RPTOR: variants seen among roughly 807,000 people sequenced by gnomAD.
RPTOR encodes regulatory associated protein of MTOR complex 1.
RPTOR carries 21 observed loss-of-function variants against 169.9 expected under a neutral mutation model. The observed-to-expected ratio is 0.12, with a 90% CI of 0.09 to 0.18. The LOEUF (loss-of-function observed/expected upper bound fraction) is 0.18. Among genes scored for constraint, RPTOR ranks in the 10% least tolerant of loss-of-function variants. The pLI, the probability that RPTOR is intolerant of heterozygous loss-of-function variation, is 1.00. For synonymous variants in RPTOR, 732 were observed against 753.2 expected, an observed-to-expected ratio of 0.97 and a Z score of 0.46; for missense variants, 1,133 against 1,855.9, an observed-to-expected ratio of 0.61 and a Z score of 7.16.
intron 12 of RPTOR, among the ~76,000 whole-genome samples, chr17:80,856,268 C>T (rs958003396): frequency 2.6e-5 from 4 of 152,120 alleles, no homozygotes; most frequent in Non-Finnish European, 4.4e-5. Flanking sequence ...GTTCGTTTTT[C>T]TTGGGTGTGG....
intron 24 of RPTOR, among the ~76,000 whole-genome samples, chr17:80,934,010 C>T (rs1482228349): frequency 6.6e-6 from 1 of 150,556 alleles, no homozygotes; most frequent in East Asian, 2.0e-4. Context: ...GGTGCAATAC[C>T]TTCCATCACT....
Position 80,750,628 on chromosome 17 carries a change from G to A in RPTOR, c.655-3382G>A, listed in dbSNP as rs149723425. ...GTCTGAGTAGCTGCAGGTCCACGTC[G>A]TTCCTGGACCCATCATCTGGCTTAG... On this transcript the variant is annotated intron_variant, in intron 5 of 33. Transcript: ENST00000306801. 3.3e-3 allele frequency among the ~76,000 whole-genome samples: 504 copies of A among 152,292 alleles called. 3 individuals carry two copies. The highest frequency in any genetic ancestry group is 0.011 in the African/African-American group (475 of 41,570).
intron 1 of RPTOR, among the ~76,000 whole-genome samples, chr17:80,608,663 C>A (rs184564249): frequency 6.6e-6 from 1 of 152,288 alleles, no homozygotes; most frequent in Admixed American, 6.5e-5. Context: ...TGCATTGCTG[C>A]CTTCTCAGGG....
At chr17:80,739,601 T>TA (rs1362988705) in intron 5 of RPTOR, among the ~76,000 whole-genome samples, 2 of 152,142 alleles carry the variant, frequency 1.3e-5, no homozygotes, top group Non-Finnish European at 2.9e-5. Context: ...CAACAAGTTT[T>TA]AAACAGCACA....
chr17:80,847,071 G>A (rs773589096), intron 11 of RPTOR, among the ~76,000 whole-genome samples: 27 of 152,284 alleles, frequency 1.8e-4, no homozygotes, highest in Non-Finnish European at 3.2e-4. Context: ...GAAGCGGGCA[G>A]AGCGGCTTTG....
intron 9 of RPTOR, among the ~76,000 whole-genome samples, chr17:80,837,256 G>A (rs1011859492): frequency 5.8e-4 from 89 of 152,260 alleles, no homozygotes; most frequent in African/African-American, 1.9e-3. Context: ...TCTATGCATG[G>A]TAGGAGACCC....
Position 80,925,383 on chromosome 17 carries a change from C to T in RPTOR, c.2822C>T (p.Ala941Val), listed in dbSNP as rs141785387. The stretch of plus-strand genomic sequence containing the variant: ...TAAACCCTGAAGACTGCGGACGACG[C>T]GGACGATGCTGCTGGACACAAAAGT... ...DKGPEQTADD[A>V]DDAAGHKSFI... is the part of the protein sequence containing the mutation. The change falls in exon 24 of 34, where the codon GCG (alanine) becomes GTG (valine). Residue 941 changes from alanine (A) to valine (V), a missense_variant. This residue lies in a region of RPTOR where 410 missense variants were observed against 623.7 expected (regional missense o/e 0.66). Coordinates refer to ENST00000306801, the MANE Select transcript of RPTOR (RefSeq NM_020761.3). The T allele has an allele frequency of 9.3e-6, 15 of 1,613,498 alleles. No individual in the cohort carries two copies. Among genetic ancestry groups the T allele is most frequent in the South Asian group, 3.3e-5 (3 of 91,080 alleles).
At chr17:80,897,752 G>A (rs1333665781) in intron 20 of RPTOR, among the ~76,000 whole-genome samples, 1 of 152,184 alleles carries the variant, frequency 6.6e-6, no homozygotes, top group Non-Finnish European at 1.5e-5. Context: ...GCTCCTCCGG[G>A]CATGGTGACA....
intron 17 of RPTOR, 67 bp from the exon 18 acceptor site, chr17:80,891,653 C>T: frequency 9.3e-7 from 1 of 1,077,750 alleles, no homozygotes; most frequent in Non-Finnish European, 1.4e-6. Context: ...TGACTCAAGT[C>T]TCACTGCTGC....
At chr17:80,833,863 C>T (rs896421478) in intron 9 of RPTOR, among the ~76,000 whole-genome samples, 1 of 152,190 alleles carries the variant, frequency 6.6e-6, no homozygotes, top group South Asian at 2.1e-4. Context: ...GTGGCACATT[C>T]CTGTAATCCC....
intron 1 of RPTOR, among the ~76,000 whole-genome samples, chr17:80,619,584 A>G (rs937255751): frequency 3.9e-5 from 6 of 152,240 alleles, no homozygotes; most frequent in Middle Eastern, 3.4e-3. Flanking sequence ...CCTGTGTGCA[A>G]TTCTGAAACC....
At position 80,862,480 on chromosome 17, in the gene RPTOR, C is replaced by G. The variant is rs566648394; in HGVS notation, c.1509+4580C>G. Among the ~76,000 whole-genome samples, 10 of 152,036 alleles carry G rather than the reference C, an allele frequency of 6.6e-5. No individual in the cohort carries two copies. The South Asian group carries it at 1.5e-3, about 22-fold the overall frequency. On this transcript the variant is annotated intron_variant, in intron 13 of 33. Coordinates refer to ENST00000306801, the MANE Select transcript of RPTOR (RefSeq NM_020761.3). ...CCTCCGGATCTCCACCCCTACCCCC[C>G]CATGATGTGTGCACCCCCTACAATG... is the stretch of plus-strand genomic sequence containing the variant.
At chr17:80,639,859 A>G (rs1290689762) in intron 2 of RPTOR, among the ~76,000 whole-genome samples, 1 of 152,228 alleles carries the variant, frequency 6.6e-6, no homozygotes, top group Non-Finnish European at 1.5e-5. Flanking sequence ...GTACATAGGA[A>G]GAAGATGGAG....
intron 21 of RPTOR, among the ~76,000 whole-genome samples, chr17:80,921,988 C>T (rs11657655): frequency 0.33 from 50,823 of 152,070 alleles, 8,609 homozygotes; most frequent in East Asian, 0.48. Flanking sequence ...GTCTTGAGTT[C>T]CAGGCCCCGT....
rs538983011 is a variant in RPTOR, at chr17:80,708,429, G to A, written c.507+430G>A. Among the ~76,000 whole-genome samples, 1 of 152,246 alleles carries A rather than the reference G, an allele frequency of 6.6e-6. No homozygotes were observed. Among genetic ancestry groups the A allele is most frequent in the African/African-American group, 2.4e-5 (1 of 41,456 alleles). ...AATTCCAAGCTGCCCTGCAGGTGCA[G>A]GCTCTGGGCTTCCCTCCTCAAGGTC... is the stretch of plus-strand genomic sequence containing the variant. On this transcript the variant is annotated intron_variant, in intron 4 of 33. Transcript: ENST00000306801. The surrounding 1 kb of genome is among the most constrained non-coding windows in gnomAD (Gnocchi z 4.2).
intron 28 of RPTOR, among the ~76,000 whole-genome samples, chr17:80,954,271 A>C (rs1391410334): frequency 6.6e-6 from 1 of 152,064 alleles, no homozygotes; most frequent in African/African-American, 2.4e-5. Context: ...ACAGGCACCC[A>C]CTGCCACACC....
At chr17:80,598,415 G>T (rs1344160446) in intron 1 of RPTOR, among the ~76,000 whole-genome samples, 3 of 152,174 alleles carry the variant, frequency 2.0e-5, no homozygotes, top group Non-Finnish European at 4.4e-5. Context: ...GATGGAGGAA[G>T]AATCAATTCA....
rs1351535326 is a variant in RPTOR at position 80,654,087 on chromosome 17, G to C, written c.348+10277G>C. Among the ~76,000 whole-genome samples the C allele has an allele frequency of 2.0e-5, 3 of 152,252 alleles. No individual in the cohort carries two copies. In the East Asian group the frequency reaches 5.8e-4, roughly 29 times the overall value. ...CCTGAGAACAGATGCCAGATGCCAG[G>C]CTCAGGTGGTGCCGTTTACTTCCAG... On this transcript the variant is annotated intron_variant, in intron 3 of 33. Coordinates refer to ENST00000306801, the MANE Select transcript of RPTOR (RefSeq NM_020761.3).
At chr17:80,676,615 G>A (rs1375342052) in intron 3 of RPTOR, among the ~76,000 whole-genome samples, 1 of 152,230 alleles carries the variant, frequency 6.6e-6, no homozygotes, top group Non-Finnish European at 1.5e-5. Context: ...GGTCTGCAGG[G>A]TCGGAATACT....
Sources: gnomAD v4.1 joint callset for allele counts (sites outside exome capture counted in the v4.1 genomes callset) on GRCh38, gnomAD v4.1.1 for gene constraint, gnomAD v4.1.1 regional missense constraint, Gnocchi (gnomAD v3.1) non-coding constraint, MANE v1.5 for transcripts, NCBI Gene and HGNC (gene_info 2026-07-23, HGNC 2026-07-21) for gene names.